Variants in LCP2 observed in about 807,000 individuals in gnomAD.
The protein encoded by LCP2 is 76 kDa tyrosine phosphoprotein.
Under a neutral mutation model 74.5 loss-of-function variants are expected in LCP2, and 29 were observed. That is an observed-to-expected ratio of 0.39 (90% confidence interval 0.29 to 0.53). The LOEUF (loss-of-function observed/expected upper bound fraction) is 0.53. LCP2 is among the 20% of genes least tolerant of loss of function. LCP2 has a pLI of 0.72. For missense variants in LCP2, 604 were observed against 634.6 expected (o/e 0.95, Z 0.52); for synonymous variants, 228 against 229.5 (o/e 0.99, Z 0.06).
At chr5:170,269,274 C>T (rs1561971406) in intron 7 of LCP2, among the ~76,000 whole-genome samples, 1 of 152,194 alleles carries the variant, frequency 6.6e-6, no homozygotes, top group Non-Finnish European at 1.5e-5. Flanking sequence ...ATTTCCTACC[C>T]CTTTGACAGG....
chr5:170,256,658 T>C lies in LCP2; in HGVS notation c.1101-83A>G. 1.1e-6 allele frequency: 1 copy of C among 944,036 alleles called. No homozygotes were observed. The highest frequency in any genetic ancestry group is 1.7e-5 in the Admixed American group (1 of 57,602). The allele number at this position is 944,036 out of a possible 1,614,324, so 58.5% of individuals were successfully genotyped here. On this transcript the variant is annotated intron_variant, in intron 16 of 20. Coordinates refer to ENST00000046794, the MANE Select transcript of LCP2 (RefSeq NM_005565.5). The surrounding 1 kb of genome is among the most constrained non-coding windows in gnomAD (Gnocchi z 4.5). Reference sequence around the variant, plus strand: ...GGGAGCTGGGTTAGGGAAGCCAGGCTGCAAATGCTTCTTGATTTGGTATCA... The same window carrying C: ...GGGAGCTGGGTTAGGGAAGCCAGGCCGCAAATGCTTCTTGATTTGGTATCA...
chr5:170,265,671 A>T (rs1761741124), intron 10 of LCP2, among the ~76,000 whole-genome samples: 1 of 152,216 alleles, frequency 6.6e-6, no homozygotes, highest in Non-Finnish European at 1.5e-5. Context: ...ATGACACAGC[A>T]GAGCTGTGAT....
rs572419879 is a variant in LCP2, at chr5:170,291,298, A to G, written c.141+2012T>C. Among the ~76,000 whole-genome samples, 4 of 152,252 alleles carry G rather than the reference A, an allele frequency of 2.6e-5. No homozygotes were observed. In the South Asian group the frequency reaches 8.3e-4, roughly 32 times the overall value. Reference sequence around the variant, plus strand: ...GCCTTCAATAGCAGAGTGGCCCTGGATATTACAGAGCTGGAAAGGGTGATA... The same window carrying G: ...GCCTTCAATAGCAGAGTGGCCCTGGGTATTACAGAGCTGGAAAGGGTGATA... On this transcript the variant is annotated intron_variant, in intron 2 of 20. Coordinates refer to ENST00000046794, the MANE Select transcript of LCP2 (RefSeq NM_005565.5).
chr5:170,277,830 A>G (rs535254427), intron 3 of LCP2, among the ~76,000 whole-genome samples: 1 of 151,734 alleles, frequency 6.6e-6, no homozygotes, highest in East Asian at 1.9e-4. Flanking sequence ...TGATAAACAC[A>G]CTGGTACTTA....
At chr5:170,294,666 T>G (rs981341270) in intron 1 of LCP2, among the ~76,000 whole-genome samples, 1 of 152,214 alleles carries the variant, frequency 6.6e-6, no homozygotes, top group Non-Finnish European at 1.5e-5. Context: ...AAGGGTGGGA[T>G]GATTATCACA....
At chr5:170,291,862 G>A (rs1451433451) in intron 2 of LCP2, among the ~76,000 whole-genome samples, 1 of 152,196 alleles carries the variant, frequency 6.6e-6, no homozygotes, top group African/African-American at 2.4e-5. Flanking sequence ...AAATATTTGG[G>A]TTTAGCAGTA....
intron 17 of LCP2, 81 bp from the exon 18 acceptor site, chr5:170,253,294 C>T (rs1761488272): frequency 9.8e-6 from 9 of 921,994 alleles, no homozygotes; most frequent in Non-Finnish European, 1.5e-5. Flanking sequence ...ACATTCCCCC[C>T]ACTCCCCCAA....
intron 3 of LCP2, among the ~76,000 whole-genome samples, chr5:170,286,315 A>G (rs1016972996): frequency 1.3e-5 from 2 of 152,176 alleles, no homozygotes; most frequent in African/African-American, 4.8e-5. Context: ...ACTTGTTTCT[A>G]AAGAGGCTGG....
chr5:170,292,737 A>T (rs1279657201), intron 2 of LCP2, among the ~76,000 whole-genome samples: 8 of 152,046 alleles, frequency 5.3e-5, no homozygotes, highest in Non-Finnish European at 8.8e-5. Context: ...ACAACCTAGC[A>T]CCTCTGTCTC....
intron 16 of LCP2, among the ~76,000 whole-genome samples, chr5:170,257,815 C>T (rs1761582306): frequency 6.6e-6 from 1 of 152,072 alleles, no homozygotes; most frequent in Non-Finnish European, 1.5e-5. Flanking sequence ...AGGAGGAAGT[C>T]AATTCCTCAC....
chr5:170,264,620 A>C (rs1012841289), intron 10 of LCP2, among the ~76,000 whole-genome samples: 1 of 152,182 alleles, frequency 6.6e-6, no homozygotes, highest in Non-Finnish European at 1.5e-5. Flanking sequence ...GAACACAGGG[A>C]AATCCCAGTC....
At chr5:170,291,395 A>G (rs1050703140) in intron 2 of LCP2, among the ~76,000 whole-genome samples, 1 of 152,214 alleles carries the variant, frequency 6.6e-6, no homozygotes. Context: ...GGTGGGTTTC[A>G]GCAGAAGCTG....
chr5:170,287,907 T>G, intron 3 of LCP2, 63 bp downstream of exon 3: 1 of 1,481,306 alleles, frequency 6.8e-7, no homozygotes, highest in South Asian at 1.1e-5. Context: ...CAGCCCCCAC[T>G]CACACTACTC....
At chr5:170,290,758 G>C (rs952762041) in intron 2 of LCP2, among the ~76,000 whole-genome samples, 2 of 152,104 alleles carry the variant, frequency 1.3e-5, no homozygotes, top group African/African-American at 2.4e-5. Context: ...ATTTGGTTAG[G>C]CCACTGTGGT....
intron 7 of LCP2, 52 bp downstream of exon 7, chr5:170,270,667 C>T (rs969369177): frequency 1.2e-5 from 18 of 1,473,676 alleles, no homozygotes; most frequent in African/African-American, 4.3e-5. Context: ...GCAGCAGTGG[C>T]GAGCTTGCCT....
chr5:170,276,096 G>A (rs1456232766), intron 3 of LCP2, among the ~76,000 whole-genome samples: 1 of 152,166 alleles, frequency 6.6e-6, no homozygotes, highest in African/African-American at 2.4e-5. Context: ...CCTCCTTGCT[G>A]ATCTGTGTCT....
intron 16 of LCP2, 48 bp downstream of exon 16, chr5:170,257,989 G>A (rs759564769): frequency 4.5e-5 from 72 of 1,590,866 alleles, no homozygotes; most frequent in Non-Finnish European, 6.2e-5. Flanking sequence ...AGTACTGGAT[G>A]GACCTAAACA....
chr5:170,287,235 G>T (rs1031195998), intron 3 of LCP2, among the ~76,000 whole-genome samples: 1 of 152,076 alleles, frequency 6.6e-6, no homozygotes, highest in Non-Finnish European at 1.5e-5. Flanking sequence ...TTATAATGGA[G>T]AACTATTTCT....
chr5:170,296,465 C>A (rs1056270183), intron 1 of LCP2, among the ~76,000 whole-genome samples: 1 of 152,296 alleles, frequency 6.6e-6, no homozygotes, highest in South Asian at 2.1e-4. Context: ...CTCGTCTACC[C>A]TCTTGAATCT....
Sources: gnomAD v4.1 joint callset for allele counts (sites outside exome capture counted in the v4.1 genomes callset) on GRCh38, gnomAD v4.1.1 for gene constraint, Gnocchi (gnomAD v3.1) non-coding constraint, MANE v1.5 for transcripts, NCBI Gene and HGNC (gene_info 2026-07-23, HGNC 2026-07-21) for gene names.